The following TOX3 variants were observed in gnomAD, a reference collection of about 807,000 sequenced individuals.
TOX3 encodes CAG trinucleotide repeat-containing gene F9 protein.
Under a neutral mutation model 64.3 loss-of-function variants are expected in TOX3, and 22 were observed. The observed-to-expected ratio is 0.34, with a 90% CI of 0.24 to 0.49. The LOEUF (loss-of-function observed/expected upper bound fraction) is 0.49, where lower values mean the gene tolerates loss of function less well. Among genes scored for constraint, TOX3 ranks in the 20% least tolerant of loss-of-function variants. The pLI, the probability that TOX3 is intolerant of heterozygous loss-of-function variation, is 0.99. For missense variants in TOX3, 661 were observed against 714.4 expected (o/e 0.93, Z 0.85); for synonymous variants, 291 against 273.6 (o/e 1.06, Z -0.63).
At chr16:52,527,333 G>T (rs919963573) in intron 1 of TOX3, among the ~76,000 whole-genome samples, 2 of 152,028 alleles carry the variant, frequency 1.3e-5, no homozygotes, top group African/African-American at 4.8e-5. Flanking sequence ...TAATATCATC[G>T]TTGCACAGAA....
At chr16:52,472,858 G>C (rs1344448389) in intron 1 of TOX3, among the ~76,000 whole-genome samples, 1 of 152,148 alleles carries the variant, frequency 6.6e-6, no homozygotes, top group Non-Finnish European at 1.5e-5. Context: ...TCTAATAGAT[G>C]TGATCCCCAA....
rs561607498 is a variant in TOX3, at chr16:52,460,780, A to C, written c.408+3154T>G. On this transcript the variant is annotated intron_variant, in intron 3 of 6. Coordinates refer to ENST00000219746, the MANE Select transcript of TOX3 (RefSeq NM_001080430.4). Reference sequence around the variant, plus strand: ...ATAATAGCATAGAGATAAATCGTTCATCTGCTCTCTCTCAAGCCTCTAGGG... The same window carrying C: ...ATAATAGCATAGAGATAAATCGTTCCTCTGCTCTCTCTCAAGCCTCTAGGG... Among the ~76,000 whole-genome samples, 33 of 152,250 alleles carry C rather than the reference A, an allele frequency of 2.2e-4. No individual in the cohort carries two copies. The South Asian group carries it at 6.6e-3, about 31-fold the overall frequency.
chr16:52,462,631 T>G (rs887733785), intron 3 of TOX3, among the ~76,000 whole-genome samples: 15 of 152,236 alleles, frequency 9.9e-5, no homozygotes, highest in African/African-American at 3.6e-4. Flanking sequence ...ACTCCCTTGG[T>G]GACTAAACAC....
Position 52,438,509 on chromosome 16 carries a change from A to ATTTCT in TOX3, c.*711_*715dup, listed in dbSNP as rs10653661. 80,506 of 152,012 alleles carry ATTTCT rather than the reference A, an allele frequency of 0.53. 22,723 individuals are homozygous for ATTTCT. The highest frequency in any genetic ancestry group is 0.74 in the African/African-American group (30,323 of 41,216). The allele number at this position is 152,012 out of a possible 1,614,324, so 9.4% of individuals were successfully genotyped here. A position where few individuals can be genotyped will look rare whatever the true frequency, so the allele number is the denominator to read the frequency against. ...TCAAAACACGGAATATAGTATTCAC[A>ATTTCT]TTTCTTCTAATTGGAATGAATATAA... is the stretch of plus-strand genomic sequence containing the variant. On this transcript the variant is annotated 3_prime_UTR_variant, in exon 7 of 7. Coordinates refer to ENST00000219746, the MANE Select transcript of TOX3 (RefSeq NM_001080430.4).
intron 1 of TOX3, among the ~76,000 whole-genome samples, chr16:52,539,070 G>A (rs1963021963): frequency 6.6e-6 from 1 of 151,846 alleles, no homozygotes; most frequent in Non-Finnish European, 1.5e-5. Context: ...ACTCAAAACA[G>A]ATTCTCTAAA....
intron 3 of TOX3, among the ~76,000 whole-genome samples, chr16:52,458,215 G>T (rs1960580608): frequency 6.6e-6 from 1 of 152,084 alleles, no homozygotes; most frequent in Non-Finnish European, 1.5e-5. Context: ...TTGAACAAAT[G>T]AAATATTTAT....
chr16:52,454,320 G>A (rs1043235212), intron 3 of TOX3, among the ~76,000 whole-genome samples: 1 of 152,010 alleles, frequency 6.6e-6, no homozygotes, highest in Admixed American at 6.6e-5. Flanking sequence ...CCAAGGCCTT[G>A]CCAAAACTTA....
chr16:52,497,872 A>T (rs548986738), intron 1 of TOX3, among the ~76,000 whole-genome samples: 22 of 152,298 alleles, frequency 1.4e-4, no homozygotes, highest in African/African-American at 4.3e-4. Context: ...ACCCGCAAAG[A>T]TATAAAGAAA....
At chr16:52,512,424 C>A (rs902546113) in intron 1 of TOX3, among the ~76,000 whole-genome samples, 1 of 152,202 alleles carries the variant, frequency 6.6e-6, no homozygotes, top group African/African-American at 2.4e-5. Flanking sequence ...ACATGAACCT[C>A]TGTTTTCTAT....
chr16:52,444,497 A>C, intron 5 of TOX3, 141 bp from the exon 6 acceptor site: 2 of 484,102 alleles, frequency 4.1e-6, no homozygotes, highest in African/African-American at 2.5e-5. Context: ...ATGTTAGCGC[A>C]TGCACACACA....
chr16:52,480,497 C>T (rs988335612), intron 1 of TOX3, among the ~76,000 whole-genome samples: 1 of 152,148 alleles, frequency 6.6e-6, no homozygotes, highest in Non-Finnish European at 1.5e-5. Context: ...TCCTGGGCAT[C>T]ACTTCTTGCA....
intron 2 of TOX3, among the ~76,000 whole-genome samples, chr16:52,468,053 C>T (rs1960921070): frequency 6.6e-6 from 1 of 152,256 alleles, no homozygotes; most frequent in South Asian, 2.1e-4. Flanking sequence ...CCCCAGGAAA[C>T]TATAATACTC....
At chr16:52,513,134 A>T (rs1962355317) in intron 1 of TOX3, among the ~76,000 whole-genome samples, 1 of 152,192 alleles carries the variant, frequency 6.6e-6, no homozygotes, top group African/African-American at 2.4e-5. Flanking sequence ...ACCAACACAA[A>T]AGGCTGAATA....
chr16:52,466,356 C>G lies in TOX3; in HGVS notation c.153+2153G>C, dbSNP rs942770858. On this transcript the variant is annotated intron_variant, in intron 2 of 6. Transcript: ENST00000219746. ...ATCCTAGTTCCTGTAGTGTTATCTA[C>G]AGGACAATATCCATGTGAAGGGAAT... 2.0e-5 allele frequency among the ~76,000 whole-genome samples: 3 copies of G among 152,076 alleles called. No homozygotes were observed. The South Asian group carries it at 6.2e-4, about 32-fold the overall frequency.
chr16:52,525,968 G>T (rs1962719591), intron 1 of TOX3, among the ~76,000 whole-genome samples: 1 of 152,144 alleles, frequency 6.6e-6, no homozygotes, highest in Non-Finnish European at 1.5e-5. Context: ...TCCAGAATTG[G>T]CTGTTCAGGA....
intron 5 of TOX3, 64 bp from the exon 6 acceptor site, chr16:52,444,420 T>C (rs1960103462): frequency 1.5e-6 from 2 of 1,362,094 alleles, no homozygotes; most frequent in Non-Finnish European, 2.0e-6. Context: ...AAATAGCTGC[T>C]GCACAAATTA....
intron 1 of TOX3, among the ~76,000 whole-genome samples, chr16:52,536,977 C>T (rs1162706449): frequency 2.0e-5 from 3 of 151,796 alleles, no homozygotes; most frequent in Non-Finnish European, 4.4e-5. Flanking sequence ...GTTACCAAGG[C>T]TTCATTTAAG....
chr16:52,450,409 G>A lies in TOX3; in HGVS notation c.546C>T (p.Leu182=), dbSNP rs537547683. 24 of 1,614,000 alleles carry A rather than the reference G, an allele frequency of 1.5e-5. No homozygotes were observed. In the South Asian group the frequency reaches 2.0e-4, roughly 13 times the overall value. ...CCAAATTCAACCCCAACTGGGCGCT[G>A]AGCTGAGACTGGTTGATGGTGGTGA... The part of the protein sequence containing the change: ...AQLTTINQSQ[L]SAQLGLNLGG... Residue 182 remains leucine, a synonymous_variant, in exon 4 of 7, where the codon CTC becomes CTT. Coordinates refer to ENST00000219746, the MANE Select transcript of TOX3 (RefSeq NM_001080430.4).
At chr16:52,464,493 A>G (rs1482424020) in intron 2 of TOX3, among the ~76,000 whole-genome samples, 1 of 152,182 alleles carries the variant, frequency 6.6e-6, no homozygotes, top group African/African-American at 2.4e-5. Flanking sequence ...ACAAATTGCT[A>G]CTTTATTGAT....
Sources: gnomAD v4.1 joint callset for allele counts (sites outside exome capture counted in the v4.1 genomes callset) on GRCh38, gnomAD v4.1.1 for gene constraint, MANE v1.5 for transcripts, NCBI Gene and HGNC (gene_info 2026-07-23, HGNC 2026-07-21) for gene names.